MTMR2: variants seen among roughly 807,000 people sequenced by gnomAD.
MTMR2 encodes phosphatidylinositol-3,5-bisphosphate 3-phosphatase MTMR2.
Under a neutral mutation model 86.9 loss-of-function variants are expected in MTMR2, and 55 were observed. That is an observed-to-expected ratio of 0.63 (90% CI 0.51 to 0.79). MTMR2 has a LOEUF of 0.79. Ranked by LOEUF, MTMR2 falls within the 30% of genes least tolerant of loss-of-function variation. The pLI, the probability that MTMR2 is intolerant of heterozygous loss-of-function variation, is 0.00. For synonymous variants in MTMR2, 241 were observed against 266.8 expected, an observed-to-expected ratio of 0.90 and a Z score of 0.94; for missense variants, 659 against 772.3, an observed-to-expected ratio of 0.85 and a Z score of 1.74.
At chr11:95,885,171 C>G (rs187403731) in intron 2 of MTMR2, among the ~76,000 whole-genome samples, 1 of 152,002 alleles carries the variant, frequency 6.6e-6, no homozygotes, top group African/African-American at 2.4e-5. Flanking sequence ...AGGACACTTA[C>G]GTCTAACGTT....
chr11:95,874,926 C>T (rs1865045906), intron 2 of MTMR2, among the ~76,000 whole-genome samples: 1 of 152,230 alleles, frequency 6.6e-6, no homozygotes, highest in Admixed American at 6.5e-5. Flanking sequence ...TATTGGCCCC[C>T]ACTCTCTTCT....
chr11:95,856,394 A>T (rs1235505572), intron 7 of MTMR2, among the ~76,000 whole-genome samples: 1 of 151,132 alleles, frequency 6.6e-6, no homozygotes, highest in Admixed American at 6.6e-5. Flanking sequence ...ATTAGTCCTT[A>T]ATTTTAAGAG....
In MTMR2 at chr11:95,849,925, C is replaced by CAGT; in HGVS notation, c.805-66_805-64dup. The CAGT allele has an allele frequency of 2.1e-6, 3 of 1,444,630 alleles. No homozygotes were observed. In the South Asian group the frequency reaches 3.5e-5, roughly 17 times the overall value. 89.5% of individuals were successfully genotyped at this position (1,444,630 alleles called of 1,614,324 possible). A position where few individuals can be genotyped will look rare whatever the true frequency, so the allele number is the denominator to read the frequency against. ...CTTCTCTGTTTATAATTCTCAAAAACAGTACTCAGTAAAGCTCTGCTTTCT... is the reference window on the plus strand; with the variant it reads ...CTTCTCTGTTTATAATTCTCAAAAACAGTAGTACTCAGTAAAGCTCTGCTTTCT... On this transcript the variant is annotated intron_variant, in intron 8 of 14. Coordinates refer to ENST00000346299, the MANE Select transcript of MTMR2 (RefSeq NM_016156.6).
chr11:95,839,267 A>G (rs1863431843), intron 12 of MTMR2, among the ~76,000 whole-genome samples: 1 of 151,884 alleles, frequency 6.6e-6, no homozygotes, highest in Admixed American at 6.6e-5. Context: ...ATGATCAAGC[A>G]GAAGATGACC....
At chr11:95,842,589 T>TG (rs1379278190) in intron 11 of MTMR2, among the ~76,000 whole-genome samples, 1 of 152,224 alleles carries the variant, frequency 6.6e-6, no homozygotes, top group African/African-American at 2.4e-5. Context: ...AACAGAATCC[T>TG]GCTCCTTACC....
rs1863370732 is a variant in MTMR2 at position 95,838,157 on chromosome 11, G to A, written c.1530C>T (p.Asp510=). 1.9e-6 allele frequency: 3 copies of A among 1,611,450 alleles called. No individual in the cohort carries two copies. The highest frequency in any genetic ancestry group is 1.7e-6 in the Non-Finnish European group (2 of 1,177,916). ...TTCCGAATAAGCAGCTGTATAGGTG[G>A]TCCAAAATGGTAATGAGAAAATACT... ...FNEYFLITIL[D]HLYSCLFGTF... is the part of the protein sequence containing the mutation. Residue 510 remains aspartate, a synonymous_variant, in exon 13 of 15, where the codon GAC becomes GAT. Transcript: ENST00000346299.
intron 6 of MTMR2, 141 bp from the exon 7 acceptor site, chr11:95,857,776 G>C: frequency 1.6e-6 from 1 of 640,274 alleles, no homozygotes; most frequent in Non-Finnish European, 2.8e-6. Flanking sequence ...TTGTATTATA[G>C]TTTTTGTTTT....
At chr11:95,879,147 G>T (rs567722342) in intron 2 of MTMR2, among the ~76,000 whole-genome samples, 1 of 150,526 alleles carries the variant, frequency 6.6e-6, no homozygotes, top group East Asian at 1.9e-4. Flanking sequence ...CAGAGGCTGA[G>T]AAAGAGATCA....
At chr11:95,908,533 A>G (rs955913358) in intron 1 of MTMR2, among the ~76,000 whole-genome samples, 2 of 152,178 alleles carry the variant, frequency 1.3e-5, no homozygotes, top group African/African-American at 4.8e-5. Flanking sequence ...GAATAGCCAC[A>G]GCAATTCTAA....
chr11:95,835,657 A>T (rs1164056854), intron 14 of MTMR2, among the ~76,000 whole-genome samples: 1 of 152,084 alleles, frequency 6.6e-6, no homozygotes, highest in Non-Finnish European at 1.5e-5. Flanking sequence ...TTTCCAAAGA[A>T]TAACCTGCTG....
chr11:95,855,085 C>G (rs1864161832), intron 7 of MTMR2, among the ~76,000 whole-genome samples: 1 of 152,180 alleles, frequency 6.6e-6, no homozygotes, highest in African/African-American at 2.4e-5. Context: ...GCTGGGATTA[C>G]AGGTGTGAGC....
intron 1 of MTMR2, among the ~76,000 whole-genome samples, chr11:95,909,635 T>G (rs1453324600): frequency 2.0e-5 from 3 of 152,138 alleles, no homozygotes; most frequent in Admixed American, 2.0e-4. Context: ...TAAATCTCCT[T>G]TATTTTGTTT....
In MTMR2 at chr11:95,835,226, T is replaced by TACTC; in HGVS notation, c.*60_*63dup. The stretch of plus-strand genomic sequence containing the variant: ...TGGGTTCTAAATTCCGAAGACTTTC[T>TACTC]ACTCATAGAGCTGCCAGTGTAATCA... On this transcript the variant is annotated 3_prime_UTR_variant, in exon 15 of 15. Coordinates refer to ENST00000346299, the MANE Select transcript of MTMR2 (RefSeq NM_016156.6). The TACTC allele has an allele frequency of 6.5e-7, 1 of 1,541,796 alleles. No individual in the cohort carries two copies. The highest frequency in any genetic ancestry group is 9.0e-7 in the Non-Finnish European group (1 of 1,116,838).
chr11:95,843,100 A>C (rs916044407), intron 11 of MTMR2, among the ~76,000 whole-genome samples: 5 of 152,092 alleles, frequency 3.3e-5, no homozygotes, highest in African/African-American at 1.2e-4. Context: ...TTGAAAAGGT[A>C]CAATGTGAAT....
intron 2 of MTMR2, among the ~76,000 whole-genome samples, chr11:95,881,957 A>T (rs1357514763): frequency 6.6e-6 from 1 of 152,066 alleles, no homozygotes; most frequent in Admixed American, 6.5e-5. Context: ...TCTGATGGAT[A>T]CCCTTTATCG....
intron 1 of MTMR2, among the ~76,000 whole-genome samples, chr11:95,915,288 T>G (rs1866656376): frequency 6.6e-6 from 1 of 152,100 alleles, no homozygotes; most frequent in Non-Finnish European, 1.5e-5. Flanking sequence ...AGACAAGGCC[T>G]CCTCCCTACC....
At chr11:95,862,598 C>T (rs938181208) in intron 3 of MTMR2, among the ~76,000 whole-genome samples, 3 of 152,132 alleles carry the variant, frequency 2.0e-5, no homozygotes, top group African/African-American at 2.4e-5. Flanking sequence ...GACTTCTCAT[C>T]CCATGAGACA....
In MTMR2 at chr11:95,833,802, A is replaced by G. The variant is rs947616165; in HGVS notation, c.*1488T>C. On this transcript the variant is annotated 3_prime_UTR_variant, in exon 15 of 15. Transcript: ENST00000346299. ...ACTTAAATGCCCTGTTAAAAAGCTTATATTTCACACAATTACCAAAGAAAT... is the reference window on the plus strand; with the variant it reads ...ACTTAAATGCCCTGTTAAAAAGCTTGTATTTCACACAATTACCAAAGAAAT... 6.6e-6 allele frequency: 1 copy of G among 152,094 alleles called. No individual in the cohort carries two copies. The highest frequency in any genetic ancestry group is 1.9e-4 in the East Asian group (1 of 5,196). 9.4% of individuals were successfully genotyped at this position (152,094 alleles called of 1,614,324 possible).
At chr11:95,908,685 T>C (rs566691903) in intron 1 of MTMR2, among the ~76,000 whole-genome samples, 2 of 152,102 alleles carry the variant, frequency 1.3e-5, no homozygotes, top group South Asian at 4.2e-4. Context: ...CCAGAAATAA[T>C]GCTGCCTTCC....
Sources: gnomAD v4.1 joint callset for allele counts (sites outside exome capture counted in the v4.1 genomes callset) on GRCh38, gnomAD v4.1.1 for gene constraint, MANE v1.5 for transcripts, NCBI Gene and HGNC (gene_info 2026-07-23, HGNC 2026-07-21) for gene names.